MDC1: variants seen among roughly 807,000 people sequenced by gnomAD.
MDC1 encodes the protein mediator of DNA damage checkpoint 1, also known as mediator of DNA damage checkpoint protein 1.
MDC1 carries 81 observed loss-of-function variants against 142.5 expected under a neutral mutation model. That is an observed-to-expected ratio of 0.57 (90% CI 0.47 to 0.68). The LOEUF is 0.68. Ranked by LOEUF, MDC1 falls within the 30% of genes least tolerant of loss-of-function variation. The pLI is 0.00. For missense variants in MDC1, 2,119 were observed against 2,547.9 expected (o/e 0.83, Z 3.62); for synonymous variants, 797 against 968.4 (o/e 0.82, Z 3.29).
intron 14 of MDC1, among the ~76,000 whole-genome samples, chr6:30,701,841 T>A (rs1339622928): frequency 6.6e-6 from 1 of 152,034 alleles, no homozygotes. Flanking sequence ...GAGATATATA[T>A]TTAAGTATGT....
chr6:30,712,126 C>T lies in MDC1; in HGVS notation c.1816G>A (p.Ala606Thr). 6.2e-7 allele frequency: 1 copy of T among 1,609,996 alleles called. No individual in the cohort carries two copies. The highest frequency in any genetic ancestry group is 8.5e-7 in the Non-Finnish European group (1 of 1,178,412). ...RKSQLPAEGD[A>T]GAEWAAAVLK... ...ACAGCTGCAGCCCACTCTGCCCCAG[C>T]ATCCCCTTCTGCTGGAAGCTGGCTC... The change falls in exon 5 of 15, where the codon GCT becomes ACT. Residue 606 changes from alanine (A) to threonine (T), a missense_variant. By Grantham distance (58) the Ala-to-Thr change is moderately conservative. Transcript: ENST00000376406. The surrounding 1 kb of genome is among the most constrained non-coding windows in gnomAD (Gnocchi z 4.7).
chr6:30,712,032 T>G lies in MDC1; in HGVS notation c.1910A>C (p.Asp637Ala). ...GAGGTTCTCTCTTGAGATAGGGAGG[T>G]CCTGCTCCACTTGTGCCACAGGTGG... ...GGPPVAQVEQDLPISRENLTD... is the reference protein window; with the variant it reads ...GGPPVAQVEQALPISRENLTD... Residue 637 changes from aspartate to alanine, a missense_variant, in exon 5 of 15, where the codon GAC becomes GCC. Coordinates refer to ENST00000376406, the MANE Select transcript of MDC1 (RefSeq NM_014641.3). The surrounding 1 kb of genome is among the most constrained non-coding windows in gnomAD (Gnocchi z 4.7). 6.3e-7 allele frequency: 1 copy of G among 1,596,616 alleles called. No homozygotes were observed. The highest frequency in any genetic ancestry group is 1.1e-5 in the South Asian group (1 of 88,644).
intron 2 of MDC1, among the ~76,000 whole-genome samples, 176 bp from the exon 3 acceptor site, chr6:30,714,359 A>G (rs756622564): frequency 6.6e-6 from 1 of 152,112 alleles, no homozygotes; most frequent in Non-Finnish European, 1.5e-5. Context: ...TCCATCCACA[A>G]TGGATGTTTT....
Position 30,702,604 on chromosome 6 carries a change from A to T in MDC1, c.6051T>A (p.Ile2017=), listed in dbSNP as rs778594272. 1 of 1,611,104 alleles carries T rather than the reference A, an allele frequency of 6.2e-7. No homozygotes were observed. The highest frequency in any genetic ancestry group is 1.3e-5 in the African/African-American group (1 of 74,864). The change falls in exon 14 of 15, where the codon ATT becomes ATA. Residue 2017 remains isoleucine (I), a synonymous_variant. Transcript: ENST00000376406. ...VQPPPPQMGE[I]ISCCGGTYLP... ...GGTATGTGCCTCCACAGCAGCTAAT[A>T]ATCTCTCCCATCTGAGGTGGTGGTG... is the stretch of plus-strand genomic sequence containing the variant.
chr6:30,707,406 C>G lies in MDC1; in HGVS notation c.3062G>C (p.Arg1021Thr), dbSNP rs748112559. 8.1e-6 allele frequency: 13 copies of G among 1,613,132 alleles called. No individual in the cohort carries two copies. The Admixed American group carries it at 2.2e-4, about 27-fold the overall frequency. Reference sequence around the variant, plus strand: ...CACCCTGGAAACCTTCTCAGCAGCTCTGATCCTGGAAGCCTTCTCAGCAGG... The same window carrying G: ...CACCCTGGAAACCTTCTCAGCAGCTGTGATCCTGGAAGCCTTCTCAGCAGG... ...MPPAEKASRI[R>T]AAEKVSRGDQ... The change falls in exon 9 of 15, where the codon AGA becomes ACA. Residue 1021 changes from arginine to threonine, a missense_variant. Coordinates refer to ENST00000376406, the MANE Select transcript of MDC1 (RefSeq NM_014641.3).
rs1364173658 is a variant in MDC1, at chr6:30,716,547, G to A, written c.-4+698C>T. ...CTTTCTCAGCAAACCCTTTCCTGGC[G>A]TGTTCCCTGCCTTCTCGTGTTCCTG... On this transcript the variant is annotated intron_variant, in intron 1 of 14. Coordinates refer to ENST00000376406, the MANE Select transcript of MDC1 (RefSeq NM_014641.3). The surrounding 1 kb of genome is among the most constrained non-coding windows in gnomAD (Gnocchi z 4.4). 6.6e-6 allele frequency among the ~76,000 whole-genome samples: 1 copy of A among 152,128 alleles called. No homozygotes were observed. Among genetic ancestry groups the A allele is most frequent in the African/African-American group, 2.4e-5 (1 of 41,412 alleles).
In MDC1 at chr6:30,709,340, T is replaced by C. The variant is rs1774459464; in HGVS notation, c.2222-983A>G. On this transcript the variant is annotated intron_variant, in intron 7 of 14. Transcript: ENST00000376406. The surrounding 1 kb of genome is among the most constrained non-coding windows in gnomAD (Gnocchi z 4.2). ...CTGGAATTTCCTTCTTTTTAAAGGC[T>C]GAATAGTATTCCACTGTGTATATAT... Among the ~76,000 whole-genome samples, 1 of 152,258 alleles carries C rather than the reference T, an allele frequency of 6.6e-6. No individual in the cohort carries two copies. Among genetic ancestry groups the C allele is most frequent in the African/African-American group, 2.4e-5 (1 of 41,476 alleles).
chr6:30,703,895 G>T lies in MDC1; in HGVS notation c.5288C>A (p.Ala1763Glu). The change falls in exon 10 of 15, where the codon GCA becomes GAA. Residue 1763 changes from alanine to glutamate, a missense_variant. By Grantham distance (107) the Ala-to-Glu change is moderately radical. Transcript: ENST00000376406. This position sits in a 1 kb window ranked among gnomAD's most constrained non-coding sequence, Gnocchi z 4.4. ...AGGAATGGCTGTAAGGGATTCAGCT[G>T]CTCTCACTGCTCCCCATCTTTGGTT... ...SRNQRWGAVR[A>E]AESLTAIPEP... is the part of the protein sequence containing the mutation. 6.2e-7 allele frequency: 1 copy of T among 1,614,184 alleles called. No homozygotes were observed. Among genetic ancestry groups the T allele is most frequent in the Non-Finnish European group, 8.5e-7 (1 of 1,180,030 alleles).
chr6:30,706,619 CTAAAAAAA>C (rs1562100914), intron 9 of MDC1, among the ~76,000 whole-genome samples: 28 of 40,494 alleles, frequency 6.9e-4, no homozygotes, highest in East Asian at 1.1e-3. Flanking sequence ...AAGACTCTGT[CTAAAAAAA>C]AAAAAAAAAA....
At position 30,713,634 on chromosome 6, in the gene MDC1, T is replaced by C; in HGVS notation, c.587+14A>G. ...CATTTTGAAGACTCAGGTGTCTGAC[T>C]CTTTGGCACTCACCTCTCTGGAACT... On this transcript the variant is annotated intron_variant, in intron 4 of 14. Transcript: ENST00000376406. The surrounding 1 kb of genome is among the most constrained non-coding windows in gnomAD (Gnocchi z 4.9). The C allele has an allele frequency of 6.2e-7, 1 of 1,612,466 alleles. No homozygotes were observed. Among genetic ancestry groups the C allele is most frequent in the Non-Finnish European group, 8.5e-7 (1 of 1,178,798 alleles).
Position 30,703,047 on chromosome 6 carries a change from C to A in MDC1, c.5865+57G>T. 1.3e-6 allele frequency: 2 copies of A among 1,586,440 alleles called. No homozygotes were observed. ...TCTTCCCTTCCACCACTTTCTAGGG[C>A]ACTATATGAGCAGTCTTGCCACTAT... On this transcript the variant is annotated intron_variant, in intron 12 of 14. Transcript: ENST00000376406. This position sits in a 1 kb window ranked among gnomAD's most constrained non-coding sequence, Gnocchi z 4.4.
rs775112770 is a variant in MDC1, at chr6:30,708,379, G to C, written c.2222-22C>G. 2.5e-6 allele frequency: 4 copies of C among 1,582,390 alleles called. No homozygotes were observed. In the South Asian group the frequency reaches 4.4e-5, roughly 18 times the overall value. On this transcript the variant is annotated intron_variant, in intron 7 of 14. Coordinates refer to ENST00000376406, the MANE Select transcript of MDC1 (RefSeq NM_014641.3). ...GTACCTGGAAGGGGAGGAAGGAAGA[G>C]AGAGAGAGGGAGAGGGAGAGAAAAG...
chr6:30,711,359 A>C, intron 7 of MDC1, 53 bp downstream of exon 7: 8 of 1,509,840 alleles, frequency 5.3e-6, no homozygotes, highest in Non-Finnish European at 7.4e-6. Flanking sequence ...TGACAGAGGA[A>C]AAAAAAGAGA....
chr6:30,714,922 TG>T (rs1327764036), intron 2 of MDC1, 117 bp downstream of exon 2: 5 of 1,159,784 alleles, frequency 4.3e-6, no homozygotes, highest in Non-Finnish European at 6.1e-6. Context: ...CTTCCATTCA[TG>T]AAAAAAAAAA....
intron 14 of MDC1, among the ~76,000 whole-genome samples, chr6:30,701,141 G>A (rs959544055): frequency 1.3e-5 from 2 of 150,794 alleles, no homozygotes; most frequent in Non-Finnish European, 2.9e-5. Context: ...AGTGGCTCAC[G>A]CCTATAATCC....
intron 7 of MDC1, among the ~76,000 whole-genome samples, chr6:30,708,720 C>A (rs771873720): frequency 6.6e-6 from 1 of 151,580 alleles, no homozygotes; most frequent in Non-Finnish European, 1.5e-5. Flanking sequence ...GGTGTGGGGA[C>A]GGGGACCTGT....
rs61733210 is a variant in MDC1, at chr6:30,712,475, T to G, written c.1467A>C (p.Gln489His). 1 of 1,612,876 alleles carries G rather than the reference T, an allele frequency of 6.2e-7. No homozygotes were observed. The highest frequency in any genetic ancestry group is 1.3e-5 in the African/African-American group (1 of 74,954). ...TGTCATCACTGTCCCCAAAAGGAGG[T>G]TGGTCCTTTTCTGAATGTGCTCTAA... Reference protein sequence around the residue: ...ALVRAHSEKDQPPFGDSDDSV... With the variant: ...ALVRAHSEKDHPPFGDSDDSV... Residue 489 changes from glutamine (Q) to histidine (H), a missense_variant, in exon 5 of 15, where the codon CAA becomes CAC. Transcript: ENST00000376406. The surrounding 1 kb of genome is among the most constrained non-coding windows in gnomAD (Gnocchi z 4.7).
rs144700924 is a variant in MDC1, at chr6:30,705,563, A to G, written c.3620T>C (p.Leu1207Pro). The change falls in exon 10 of 15, where the codon CTT becomes CCT. Residue 1207 changes from leucine (L) to proline (P), a missense_variant. Transcript: ENST00000376406. Reference protein sequence around the residue: ...KTPETVVPTALELQPSTSTDR... With the variant: ...KTPETVVPTAPELQPSTSTDR... The stretch of plus-strand genomic sequence containing the variant: ...GGTGGAGGTGGAAGGCTGGAGCTCA[A>G]GGGCTGTGGGCACAACTGTTTCAGG... 5.5e-3 allele frequency: 8,373 copies of G among 1,514,980 alleles called. 166 individuals are homozygous for G. The highest frequency in any genetic ancestry group is 0.04 in the Middle Eastern group (224 of 5,596). 93.8% of individuals were successfully genotyped at this position (1,514,980 alleles called of 1,614,324 possible). A position where few individuals can be genotyped will look rare whatever the true frequency, so the allele number is the denominator to read the frequency against.
chr6:30,712,969 C>T lies in MDC1; in HGVS notation c.973G>A (p.Gly325Ser). The T allele has an allele frequency of 5.0e-6, 8 of 1,613,026 alleles. No individual in the cohort carries two copies. The highest frequency in any genetic ancestry group is 2.5e-6 in the Non-Finnish European group (3 of 1,179,994). Residue 325 changes from glycine to serine, a missense_variant, in exon 5 of 15, where the codon GGC becomes AGC. Transcript: ENST00000376406. This position sits in a 1 kb window ranked among gnomAD's most constrained non-coding sequence, Gnocchi z 4.7. ...EVHLERAQPFGFIDSDTDAEE... is the reference protein window; with the variant it reads ...EVHLERAQPFSFIDSDTDAEE... ...GCATCAGTGTCGCTGTCGATGAAGCCAAAAGGCTGAGCCCTTTCCAAATGG... is the reference window on the plus strand; with the variant it reads ...GCATCAGTGTCGCTGTCGATGAAGCTAAAAGGCTGAGCCCTTTCCAAATGG...
Sources: allele counts gnomAD v4.1 joint callset (sites outside exome capture counted in the v4.1 genomes callset), GRCh38; gene constraint gnomAD v4.1.1; non-coding constraint Gnocchi (gnomAD v3.1); transcripts MANE v1.5; gene names NCBI Gene and HGNC (gene_info 2026-07-23, HGNC 2026-07-21).